The following GALNTL6 variants were observed in gnomAD, a reference collection of about 807,000 sequenced individuals.
GALNTL6 encodes polypeptide N-acetylgalactosaminyltransferase like 6.
GALNTL6 carries 46 observed loss-of-function variants against 73.7 expected under a neutral mutation model. The ratio of observed to expected loss-of-function variants is 0.62; its 90% CI spans 0.49 to 0.80. The LOEUF is 0.80. Among genes scored for constraint, GALNTL6 ranks in the 30% least tolerant of loss-of-function variants. GALNTL6 has a pLI of 0.00. For missense variants in GALNTL6, 604 were observed against 755.0 expected (o/e 0.80, Z 2.34); for synonymous variants, 259 against 263.7 (o/e 0.98, Z 0.17).
intron 7 of GALNTL6, among the ~76,000 whole-genome samples, chr4:172,825,078 T>TTTTCTTTCTTTC (rs70944424): frequency 0.01 from 1,067 of 105,602 alleles, 4 homozygotes; most frequent in Non-Finnish European, 0.013. Flanking sequence ...TTTGGTTATC[T>TTTTCTTTCTTTC]TTTCTTTCTT....
intron 5 of GALNTL6, among the ~76,000 whole-genome samples, chr4:172,351,197 A>G (rs897647137): frequency 2.9e-4 from 43 of 150,288 alleles, no homozygotes; most frequent in Admixed American, 5.3e-4. Flanking sequence ...CTATCTATCT[A>G]TCTATCTATC....
At chr4:172,722,041 A>T (rs976538244) in intron 5 of GALNTL6, among the ~76,000 whole-genome samples, 7 of 151,598 alleles carry the variant, frequency 4.6e-5, no homozygotes, top group African/African-American at 1.7e-4. Context: ...GTCCTGCACG[A>T]ACAGAGTTCT....
At chr4:172,136,318 AAAAG>A (rs1274640702) in intron 2 of GALNTL6, among the ~76,000 whole-genome samples, 1 of 152,106 alleles carries the variant, frequency 6.6e-6, no homozygotes, top group Non-Finnish European at 1.5e-5. Context: ...TCTATCAAAA[AAAAG>A]AAAAACCTTA....
chr4:171,917,935 G>C (rs1737674848), intron 2 of GALNTL6, among the ~76,000 whole-genome samples: 1 of 152,068 alleles, frequency 6.6e-6, no homozygotes, highest in African/African-American at 2.4e-5. Context: ...CCCAAGTCCT[G>C]TCAATATTTG....
intron 10 of GALNTL6, among the ~76,000 whole-genome samples, chr4:173,007,797 C>T (rs922235201): frequency 5.9e-5 from 9 of 151,756 alleles, no homozygotes; most frequent in Non-Finnish European, 1.3e-4. Context: ...CAGAGTGAAA[C>T]TTGGTCTCAA....
intron 5 of GALNTL6, among the ~76,000 whole-genome samples, chr4:172,690,933 G>T (rs1280544957): frequency 2.0e-5 from 3 of 152,150 alleles, no homozygotes; most frequent in African/African-American, 7.2e-5. Context: ...TGTAGAGGGA[G>T]TATTGTAGAA....
rs1008499188 is a variant in GALNTL6 at position 171,950,029 on chromosome 4, G to A, written c.138+135311G>A. ...AGAACCATCAGAGTTGCAAAACAGA[G>A]TACCAAAGATCTGAGAATAGCCCTG... On this transcript the variant is annotated intron_variant, in intron 2 of 12. Transcript: ENST00000506823. Among the ~76,000 whole-genome samples the A allele has an allele frequency of 1.1e-4, 16 of 152,186 alleles. 1 individual carries two copies. The highest frequency in any genetic ancestry group is 3.6e-4 in the African/African-American group (15 of 41,462).
chr4:172,842,892 AAC>A (rs1743291217), intron 7 of GALNTL6, among the ~76,000 whole-genome samples: 1 of 152,180 alleles, frequency 6.6e-6, no homozygotes, highest in Non-Finnish European at 1.5e-5. Flanking sequence ...CAGCGGCTCC[AAC>A]ACACAGTGCA....
intron 2 of GALNTL6, among the ~76,000 whole-genome samples, chr4:171,936,971 C>G (rs889166851): frequency 4.6e-5 from 7 of 152,120 alleles, no homozygotes; most frequent in African/African-American, 1.7e-4. Context: ...CAAATGAAAC[C>G]TTCCAGCTGA....
intron 5 of GALNTL6, among the ~76,000 whole-genome samples, chr4:172,741,796 C>T (rs1035051201): frequency 5.3e-5 from 8 of 151,918 alleles, no homozygotes; most frequent in African/African-American, 1.9e-4. Flanking sequence ...CACTCTCCGC[C>T]TAAGAATAGA....
intron 5 of GALNTL6, among the ~76,000 whole-genome samples, chr4:172,725,984 A>G (rs1735773080): frequency 6.6e-6 from 1 of 152,200 alleles, no homozygotes; most frequent in African/African-American, 2.4e-5. Flanking sequence ...TAGAAGTTTC[A>G]ATGATTATAA....
At chr4:172,261,191 C>G in intron 3 of GALNTL6, among the ~76,000 whole-genome samples, 1 of 151,486 alleles carries the variant, frequency 6.6e-6, no homozygotes, top group East Asian at 1.9e-4. Context: ...ACCAGTTCTT[C>G]TTTGAATATC....
rs182061267 is a variant in GALNTL6 at position 173,009,541 on chromosome 4, A to C, written c.1488+247A>C. Among the ~76,000 whole-genome samples the C allele has an allele frequency of 1.0e-3, 157 of 152,332 alleles. 2 individuals carry two copies. The highest frequency in any genetic ancestry group is 8.5e-3 in the South Asian group (41 of 4,830). ...TACACAATTATCCTCTAAATATGAG[A>C]AAGGATGGGAGAAATGTGGATTGCG... On this transcript the variant is annotated intron_variant, in intron 11 of 12. Coordinates refer to ENST00000506823, the MANE Select transcript of GALNTL6 (RefSeq NM_001034845.3).
intron 10 of GALNTL6, among the ~76,000 whole-genome samples, chr4:172,955,024 T>C (rs957733928): frequency 1.3e-5 from 2 of 152,144 alleles, no homozygotes; most frequent in Admixed American, 1.3e-4. Flanking sequence ...ATACTAGTTT[T>C]TAAAAGTATC....
chr4:171,932,513 T>C (rs1560847132), intron 2 of GALNTL6, among the ~76,000 whole-genome samples: 1 of 152,168 alleles, frequency 6.6e-6, no homozygotes, highest in Non-Finnish European at 1.5e-5. Context: ...TGGAGCCAGG[T>C]TGGAAGCAGC....
intron 8 of GALNTL6, among the ~76,000 whole-genome samples, chr4:172,907,536 T>C (rs1286824761): frequency 6.6e-6 from 1 of 152,218 alleles, no homozygotes; most frequent in African/African-American, 2.4e-5. Context: ...TTGATAAAAT[T>C]TGCAAACTGC....
chr4:172,369,272 C>T (rs528480392), intron 5 of GALNTL6, among the ~76,000 whole-genome samples: 1 of 152,322 alleles, frequency 6.6e-6, no homozygotes, highest in Non-Finnish European at 1.5e-5. Flanking sequence ...CAAGTCCCCA[C>T]CAGATTAGCT....
chr4:173,021,403 A>G, intron 11 of GALNTL6, 73 bp from the exon 12 acceptor site: 1 of 1,472,760 alleles, frequency 6.8e-7, no homozygotes, highest in Non-Finnish European at 9.4e-7. Flanking sequence ...TAAAAGACAT[A>G]CCTTCCCCCG....
chr4:171,875,704 G>A, intron 2 of GALNTL6, among the ~76,000 whole-genome samples: 1 of 151,228 alleles, frequency 6.6e-6, no homozygotes, highest in African/African-American at 2.4e-5. Context: ...CAATTACTGG[G>A]CACCATAAGG....
Sources: allele counts gnomAD v4.1 joint callset (sites outside exome capture counted in the v4.1 genomes callset), GRCh38; gene constraint gnomAD v4.1.1; transcripts MANE v1.5; gene names NCBI Gene and HGNC (gene_info 2026-07-23, HGNC 2026-07-21).